The following SLC24A2 variants were observed in gnomAD, a reference collection of about 807,000 sequenced individuals.
SLC24A2 encodes the protein solute carrier family 24 member 2, also known as sodium/potassium/calcium exchanger 2.
A neutral mutation model predicts 62.0 loss-of-function variants in SLC24A2; 36 were observed. The observed-to-expected ratio is 0.58, with a 90% CI of 0.44 to 0.77. SLC24A2 has a LOEUF of 0.77. Ranked by LOEUF, SLC24A2 falls within the 30% of genes least tolerant of loss-of-function variation. The pLI is 0.00. For missense variants in SLC24A2, 846 were observed against 817.9 expected, an observed-to-expected ratio of 1.03 and a Z score of -0.42; for synonymous variants, 358 against 294.0, an observed-to-expected ratio of 1.22 and a Z score of -2.23.
the SLC24A2 span, among the ~76,000 whole-genome samples, chr9:20,208,137 G>A: frequency 1.3e-5 from 2 of 152,178 alleles, no homozygotes; most frequent in South Asian, 4.1e-4. Flanking sequence ...GAAGGAAAAG[G>A]GATCAGAAAT....
At chr9:19,700,364 T>C (rs1820320765) in intron 2 of SLC24A2, among the ~76,000 whole-genome samples, 2 of 152,188 alleles carry the variant, frequency 1.3e-5, no homozygotes, top group Non-Finnish European at 2.9e-5. Context: ...ACTCTTACTC[T>C]GAAACAAGGA....
At chr9:19,829,693 TG>T in the SLC24A2 span, among the ~76,000 whole-genome samples, 1 of 151,268 alleles carries the variant, frequency 6.6e-6, no homozygotes, top group Non-Finnish European at 1.5e-5. Context: ...TTTGTACCAC[TG>T]TTCCAGGCTG....
the SLC24A2 span, among the ~76,000 whole-genome samples, chr9:19,980,514 A>G: frequency 6.6e-6 from 1 of 152,164 alleles, no homozygotes; most frequent in Non-Finnish European, 1.5e-5. Context: ...TCTTTCTGGC[A>G]CATAGTGGAC....
the SLC24A2 span, among the ~76,000 whole-genome samples, chr9:20,064,119 G>A: frequency 6.6e-6 from 1 of 152,148 alleles, no homozygotes; most frequent in South Asian, 2.1e-4. Context: ...TATCCATATA[G>A]TGGAATATTT....
In SLC24A2 at chr9:19,516,234, G is replaced by A. The variant is rs1194318975; in HGVS notation, c.1905C>T (p.Ile635=). Residue 635 remains isoleucine (I), a synonymous_variant, in exon 11 of 11, where the codon ATC becomes ATT. Transcript: ENST00000341998. Reference sequence around the variant, plus strand: ...GGAACACAAAGTAGAGGCCAAACATGATGAAGCCCAGGATTTTGTTCATTC... The same window carrying A: ...GGAACACAAAGTAGAGGCCAAACATAATGAAGCCCAGGATTTTGTTCATTC... ...KWRMNKILGF[I]MFGLYFVFLV... 1.2e-6 allele frequency: 2 copies of A among 1,614,216 alleles called. No homozygotes were observed. Among genetic ancestry groups the A allele is most frequent in the Non-Finnish European group, 1.7e-6 (2 of 1,180,032 alleles).
the SLC24A2 span, among the ~76,000 whole-genome samples, chr9:19,795,494 A>G: frequency 2.0e-4 from 30 of 152,266 alleles, 1 homozygote; most frequent in African/African-American, 5.8e-4. Flanking sequence ...AAAACTGTAA[A>G]TCTTTCTCCC....
the SLC24A2 span, among the ~76,000 whole-genome samples, chr9:20,118,453 G>C: frequency 4.1e-5 from 6 of 147,802 alleles, no homozygotes; most frequent in Non-Finnish European, 2.9e-5. Context: ...AGGGGCCCCT[G>C]ACTGATGCTT....
chr9:19,834,325 G>C, the SLC24A2 span, among the ~76,000 whole-genome samples: 5 of 151,112 alleles, frequency 3.3e-5, no homozygotes, highest in African/African-American at 1.2e-4. Flanking sequence ...TAAAAACTTT[G>C]AAAAAAAATT....
intron 2 of SLC24A2, among the ~76,000 whole-genome samples, chr9:19,761,129 T>C (rs965636098): frequency 6.6e-6 from 1 of 152,198 alleles, no homozygotes; most frequent in African/African-American, 2.4e-5. Flanking sequence ...CATGTGTGCA[T>C]GTGTCTTTAT....
chr9:20,158,192 A>C, the SLC24A2 span, among the ~76,000 whole-genome samples: 1 of 151,714 alleles, frequency 6.6e-6, no homozygotes, highest in Non-Finnish European at 1.5e-5. Context: ...CTGAATAAAA[A>C]GACAAAACCA....
the SLC24A2 span, among the ~76,000 whole-genome samples, chr9:19,915,874 C>A: frequency 6.6e-6 from 1 of 151,892 alleles, no homozygotes; most frequent in Non-Finnish European, 1.5e-5. Flanking sequence ...TTCTCTGGGT[C>A]ATCTTTTCCC....
At chr9:19,894,658 C>T in the SLC24A2 span, among the ~76,000 whole-genome samples, 1 of 151,992 alleles carries the variant, frequency 6.6e-6, no homozygotes, top group Admixed American at 6.6e-5. Context: ...CTCAGCATAT[C>T]CTTTTCTCTT....
the SLC24A2 span, among the ~76,000 whole-genome samples, chr9:20,243,758 A>G: frequency 1.3e-5 from 2 of 152,162 alleles, no homozygotes; most frequent in Non-Finnish European, 2.9e-5. Flanking sequence ...GGGTGATGCC[A>G]TATGACCTCA....
chr9:20,020,127 T>A, the SLC24A2 span, among the ~76,000 whole-genome samples: 1 of 152,214 alleles, frequency 6.6e-6, no homozygotes, highest in Non-Finnish European at 1.5e-5. Flanking sequence ...TTGGTGGCAG[T>A]GTAAATTAGT....
intron 8 of SLC24A2, among the ~76,000 whole-genome samples, chr9:19,543,391 A>ATT (rs145894518): frequency 0.019 from 2,822 of 145,106 alleles, 76 homozygotes; most frequent in East Asian, 0.072. Flanking sequence ...GGATTCATTG[A>ATT]TTTTTTTTTT....
At chr9:20,161,313 G>A in the SLC24A2 span, among the ~76,000 whole-genome samples, 13 of 151,388 alleles carry the variant, frequency 8.6e-5, no homozygotes, top group East Asian at 9.8e-4. Flanking sequence ...CTTTAAAGAC[G>A]AGATAATCCC....
At chr9:20,061,071 T>C in the SLC24A2 span, among the ~76,000 whole-genome samples, 445 of 152,340 alleles carry the variant, frequency 2.9e-3, 3 homozygotes, top group Non-Finnish European at 5.1e-3. Context: ...TCCATGTTTA[T>C]GGATTATAAA....
chr9:19,551,791 CTTGT>C, intron 7 of SLC24A2, among the ~76,000 whole-genome samples: 1 of 152,130 alleles, frequency 6.6e-6, no homozygotes, highest in African/African-American at 2.4e-5. Flanking sequence ...AATGCTATGT[CTTGT>C]TTATTTATCT....
the SLC24A2 span, among the ~76,000 whole-genome samples, chr9:19,795,179 TCTC>T: frequency 6.6e-6 from 1 of 152,154 alleles, no homozygotes; most frequent in South Asian, 2.1e-4. Flanking sequence ...GCTTCCTCCA[TCTC>T]CTCCATACAG....
Sources: gnomAD v4.1 joint callset for allele counts (sites outside exome capture counted in the v4.1 genomes callset) on GRCh38, gnomAD v4.1.1 for gene constraint, MANE v1.5 for transcripts, NCBI Gene and HGNC (gene_info 2026-07-23, HGNC 2026-07-21) for gene names.